Variants in CERKL observed in about 807,000 individuals in gnomAD.
CERKL encodes the protein CERK like autophagy regulator, also known as ceramide kinase-like protein.
A neutral mutation model predicts 63.4 loss-of-function variants in CERKL; 61 were observed. The observed-to-expected ratio is 0.96, with a 90% CI of 0.78 to 1.19. The LOEUF is 1.19. Among genes scored for constraint, CERKL ranks in the 50% most tolerant of loss-of-function variants. CERKL has a pLI of 0.00. For synonymous variants in CERKL, 250 were observed against 230.5 expected, an observed-to-expected ratio of 1.08 and a Z score of -0.77; for missense variants, 675 against 655.5, an observed-to-expected ratio of 1.03 and a Z score of -0.33.
chr2:181,607,516 C>T (rs962199483), intron 1 of CERKL, among the ~76,000 whole-genome samples: 1 of 152,170 alleles, frequency 6.6e-6, no homozygotes, highest in African/African-American at 2.4e-5. Context: ...CCCAAGAAGT[C>T]CTGGTTCCCT....
chr2:181,598,798 T>G (rs1051157639), intron 2 of CERKL, among the ~76,000 whole-genome samples: 42 of 151,922 alleles, frequency 2.8e-4, no homozygotes, highest in African/African-American at 9.4e-4. Flanking sequence ...TAAAGAGCCT[T>G]GGCCCCCTGA....
At chr2:181,635,164 A>G (rs997746169) in intron 1 of CERKL, among the ~76,000 whole-genome samples, 18 of 152,194 alleles carry the variant, frequency 1.2e-4, no homozygotes, top group African/African-American at 3.4e-4. Context: ...TCAAGTGCCA[A>G]GAACATTTCA....
chr2:181,611,138 G>T (rs771461094), intron 1 of CERKL, among the ~76,000 whole-genome samples: 1 of 151,918 alleles, frequency 6.6e-6, no homozygotes. Flanking sequence ...CAGGAGAATC[G>T]CTTGAACCCA....
At chr2:181,614,086 G>A (rs936477514) in intron 1 of CERKL, among the ~76,000 whole-genome samples, 1 of 151,464 alleles carries the variant, frequency 6.6e-6, no homozygotes, top group Non-Finnish European at 1.5e-5. Context: ...TGTTACCGAA[G>A]TTCTTATATG....
chr2:181,653,068 T>G (rs1397132633), intron 1 of CERKL, among the ~76,000 whole-genome samples: 1 of 152,318 alleles, frequency 6.6e-6, no homozygotes, highest in East Asian at 1.9e-4. Context: ...CCACTGTGCC[T>G]GGCCAACTTG....
At chr2:181,595,656 G>A (rs548612001) in intron 2 of CERKL, among the ~76,000 whole-genome samples, 10 of 152,016 alleles carry the variant, frequency 6.6e-5, no homozygotes, top group East Asian at 3.9e-4. Context: ...ACCATCTACC[G>A]GTTGTTTAAC....
At chr2:181,628,214 G>T (rs1686796100) in intron 1 of CERKL, among the ~76,000 whole-genome samples, 1 of 152,090 alleles carries the variant, frequency 6.6e-6, no homozygotes, top group South Asian at 2.1e-4. Context: ...AGAAATTTTT[G>T]TAAGGACAAC....
At chr2:181,597,280 T>G (rs1376906586) in intron 2 of CERKL, among the ~76,000 whole-genome samples, 2 of 152,236 alleles carry the variant, frequency 1.3e-5, no homozygotes, top group African/African-American at 4.8e-5. Flanking sequence ...GAGTTTGGTT[T>G]AAAAAGATTT....
chr2:181,619,913 T>C (rs1686374193), intron 1 of CERKL, among the ~76,000 whole-genome samples: 1 of 152,296 alleles, frequency 6.6e-6, no homozygotes, highest in Admixed American at 6.5e-5. Flanking sequence ...AAGATGGTAG[T>C]AGTGGGAGAG....
rs181846399 is a variant in CERKL, at chr2:181,544,623, C to A, written c.1365+77G>T. ...TAAAACCTTCTTATGAGGCAGGATT[C>A]GATGTCAATTCTTGCAGCATCTTTT... On this transcript the variant is annotated intron_variant, in intron 11 of 12. Transcript: ENST00000410087. 3.0e-4 allele frequency: 238 copies of A among 794,816 alleles called. 1 individual carries two copies. Among genetic ancestry groups the A allele is most frequent in the Non-Finnish European group, 1.9e-5 (9 of 469,062 alleles). 49.2% of individuals were successfully genotyped at this position (794,816 alleles called of 1,614,324 possible).
At chr2:181,597,320 A>C (rs1000609644) in intron 2 of CERKL, among the ~76,000 whole-genome samples, 1 of 152,176 alleles carries the variant, frequency 6.6e-6, no homozygotes, top group African/African-American at 2.4e-5. Context: ...TAAAGACTTA[A>C]CCAGTGCCAC....
chr2:181,569,878 C>A (rs1317834665), intron 3 of CERKL, among the ~76,000 whole-genome samples: 2 of 151,996 alleles, frequency 1.3e-5, no homozygotes, highest in Non-Finnish European at 2.9e-5. Flanking sequence ...TACAAAGAGG[C>A]GAATGTCAGC....
At chr2:181,565,128 G>A (rs541929338) in intron 4 of CERKL, among the ~76,000 whole-genome samples, 1 of 152,146 alleles carries the variant, frequency 6.6e-6, no homozygotes, top group Non-Finnish European at 1.5e-5. Flanking sequence ...ACTCCATTTT[G>A]ATTGCATCAC....
At chr2:181,610,275 A>T (rs1240585262) in intron 1 of CERKL, among the ~76,000 whole-genome samples, 1 of 152,222 alleles carries the variant, frequency 6.6e-6, no homozygotes, top group East Asian at 1.9e-4. Flanking sequence ...AATCAAAGAA[A>T]TGCAAATTAA....
chr2:181,610,766 A>AT (rs1231196799), intron 1 of CERKL, among the ~76,000 whole-genome samples: 2 of 152,134 alleles, frequency 1.3e-5, no homozygotes, highest in Non-Finnish European at 2.9e-5. Context: ...TATGAGACTA[A>AT]TTTTTTCTTA....
chr2:181,609,481 A>C (rs1685864553), intron 1 of CERKL, among the ~76,000 whole-genome samples: 1 of 146,996 alleles, frequency 6.8e-6, no homozygotes, highest in Non-Finnish European at 1.5e-5. Flanking sequence ...AGATCACCTG[A>C]GATCAGAAGT....
chr2:181,549,303 C>A (rs1687880740), intron 6 of CERKL, among the ~76,000 whole-genome samples: 2 of 152,114 alleles, frequency 1.3e-5, no homozygotes, highest in South Asian at 4.1e-4. Flanking sequence ...AGTCTTGGTA[C>A]AGTCCTACAT....
At chr2:181,641,345 A>G (rs1416129705) in intron 1 of CERKL, among the ~76,000 whole-genome samples, 584 of 4,278 alleles carry the variant, frequency 0.14, 10 homozygotes, top group African/African-American at 0.29. Context: ...ATATATATAT[A>G]CATATATATA....
Position 181,547,715 on chromosome 2 carries a change from G to C in CERKL, c.1171C>G (p.Gln391Glu), listed in dbSNP as rs1687790987. Reference sequence around the variant, plus strand: ...AACTGACCCTGGATCATTTGCCATTGATCATTACAGTCTAAAGGTAATGAA... The same window carrying C: ...AACTGACCCTGGATCATTTGCCATTCATCATTACAGTCTAAAGGTAATGAA... ...QGSPKSDCND[Q>E]WQMIQGQFLN... is the part of the protein sequence containing the mutation. The change falls in exon 10 of 13, where the codon CAA becomes GAA. Residue 391 changes from glutamine (Q) to glutamate (E), a missense_variant. Physicochemically the swap from Gln to Glu is conservative, Grantham distance 29 (BLOSUM62 2). Transcript: ENST00000410087. 3.1e-6 allele frequency: 5 copies of C among 1,613,894 alleles called. No homozygotes were observed.
Sources: allele counts gnomAD v4.1 joint callset (sites outside exome capture counted in the v4.1 genomes callset), GRCh38; gene constraint gnomAD v4.1.1; transcripts MANE v1.5; gene names NCBI Gene and HGNC (gene_info 2026-07-23, HGNC 2026-07-21).